ISM2: variants seen among roughly 807,000 people sequenced by gnomAD.
The protein encoded by ISM2 is isthmin 2, also known as isthmin-2.
A neutral mutation model predicts 58.0 loss-of-function variants in ISM2; 50 were observed. The ratio of observed to expected loss-of-function variants is 0.86; its 90% CI spans 0.69 to 1.09. The LOEUF (loss-of-function observed/expected upper bound fraction) is 1.09. Ranked by LOEUF, ISM2 falls within the 50% of genes least tolerant of loss-of-function variation. The pLI, the probability that ISM2 is intolerant of heterozygous loss-of-function variation, is 0.00. For synonymous variants in ISM2, 303 were observed against 312.4 expected (o/e 0.97, Z 0.32); for missense variants, 723 against 745.0 (o/e 0.97, Z 0.34).
At chr14:77,488,091 T>C (rs2139966620) in intron 1 of ISM2, among the ~76,000 whole-genome samples, 1 of 152,326 alleles carries the variant, frequency 6.6e-6, no homozygotes, top group East Asian at 1.9e-4. Context: ...GCAATTTCCA[T>C]GCCATCTGTC....
At position 77,489,429 on chromosome 14, in the gene ISM2, C is replaced by T. The variant is rs559839563; in HGVS notation, c.142-4510G>A. ...ACAACACAGCAATTGCCTCTTTAGC[C>T]GGGCCTGAGACCCTGCCTACAATAG... On this transcript the variant is annotated intron_variant, in intron 1 of 6. Transcript: ENST00000342219. Among the ~76,000 whole-genome samples, 663 of 152,282 alleles carry T rather than the reference C, an allele frequency of 4.4e-3. 6 individuals carry two copies. Among genetic ancestry groups the T allele is most frequent in the African/African-American group, 0.015 (640 of 41,560 alleles).
chr14:77,475,708 C>T lies in ISM2; in HGVS notation c.1603G>A (p.Gly535Arg), dbSNP rs1566751667. 1 of 1,614,124 alleles carries T rather than the reference C, an allele frequency of 6.2e-7. No individual in the cohort carries two copies. The highest frequency in any genetic ancestry group is 8.5e-7 in the Non-Finnish European group (1 of 1,180,024). The change falls in exon 7 of 7, where the codon GGG (glycine) becomes AGG (arginine). Residue 535 changes from glycine (G) to arginine (R), a missense_variant. Transcript: ENST00000342219. The surrounding 1 kb of genome is among the most constrained non-coding windows in gnomAD (Gnocchi z 4.1). ...FDTTPWILCK[G>R]DWSRLHAVLP... ...ACAGCGTGGAGGCGGCTCCAGTCCC[C>T]CTTGCACAGGATCCAGGGCGTCGTG...
chr14:77,479,717 G>T (rs1401630861), intron 4 of ISM2, among the ~76,000 whole-genome samples: 1 of 152,150 alleles, frequency 6.6e-6, no homozygotes, highest in Non-Finnish European at 1.5e-5. Flanking sequence ...GTTTCACCAT[G>T]TTGGCCAGGC....
intron 1 of ISM2, among the ~76,000 whole-genome samples, chr14:77,486,843 G>C (rs2079170999): frequency 6.6e-6 from 1 of 151,082 alleles, no homozygotes; most frequent in Admixed American, 6.6e-5. Context: ...GTTTCTACTA[G>C]TATCTAGTAG....
At chr14:77,486,139 C>T (rs575954066) in intron 1 of ISM2, among the ~76,000 whole-genome samples, 5 of 152,316 alleles carry the variant, frequency 3.3e-5, no homozygotes, top group African/African-American at 1.2e-4. Context: ...AGACATTTAG[C>T]GATAAAGCCA....
intron 1 of ISM2, 70 bp downstream of exon 1, chr14:77,498,583 G>A (rs1036719610): frequency 1.3e-5 from 18 of 1,390,788 alleles, no homozygotes; most frequent in Middle Eastern, 2.4e-4. Flanking sequence ...CTCCCCGCAC[G>A]GCTGGAGCCG....
chr14:77,476,588 T>C (rs1304686808), intron 6 of ISM2, among the ~76,000 whole-genome samples: 1 of 152,180 alleles, frequency 6.6e-6, no homozygotes, highest in African/African-American at 2.4e-5. Flanking sequence ...ATTTGGCCAC[T>C]TTGGGCCTCC....
intron 1 of ISM2, among the ~76,000 whole-genome samples, chr14:77,486,339 C>A (rs1040226963): frequency 6.6e-6 from 1 of 152,208 alleles, no homozygotes; most frequent in Non-Finnish European, 1.5e-5. Flanking sequence ...TCCCCTTCTG[C>A]GGTGTCCAAA....
At chr14:77,478,948 C>T (rs551131517) in intron 4 of ISM2, among the ~76,000 whole-genome samples, 4 of 152,332 alleles carry the variant, frequency 2.6e-5, no homozygotes, top group Middle Eastern at 6.8e-3. Flanking sequence ...CAGTATAACG[C>T]CTAGCCACTT....
chr14:77,476,867 G>A (rs540184434), intron 6 of ISM2, among the ~76,000 whole-genome samples: 1 of 152,224 alleles, frequency 6.6e-6, no homozygotes, highest in East Asian at 1.9e-4. Flanking sequence ...GCAAAGTCCC[G>A]TCTCTACAAA....
intron 4 of ISM2, among the ~76,000 whole-genome samples, chr14:77,482,056 T>C (rs1439463564): frequency 6.6e-6 from 1 of 150,816 alleles, no homozygotes; most frequent in East Asian, 2.0e-4. Flanking sequence ...GAGGCTGCAG[T>C]GAACCATGAT....
At chr14:77,494,526 A>G (rs2079227047) in intron 1 of ISM2, among the ~76,000 whole-genome samples, 1 of 151,952 alleles carries the variant, frequency 6.6e-6, no homozygotes, top group Non-Finnish European at 1.5e-5. Context: ...CCTCCCAATA[A>G]GCTGGGACCA....
intron 1 of ISM2, among the ~76,000 whole-genome samples, chr14:77,488,775 C>T (rs867156820): frequency 6.6e-6 from 1 of 152,190 alleles, no homozygotes. Flanking sequence ...AGGCAACATG[C>T]CAGTTCTTCA....
intron 5 of ISM2, 35 bp downstream of exon 5, chr14:77,478,540 A>G: frequency 6.3e-7 from 1 of 1,597,744 alleles, no homozygotes; most frequent in African/African-American, 1.3e-5. Context: ...AAGCCGCACC[A>G]GCCACTCCTA....
chr14:77,481,197 A>G (rs1216532613), intron 4 of ISM2, among the ~76,000 whole-genome samples: 14 of 151,928 alleles, frequency 9.2e-5, no homozygotes, highest in African/African-American at 3.4e-4. Context: ...AAAATTAGCC[A>G]GGCGTGGTGG....
Position 77,484,484 on chromosome 14 carries a change from G to C in ISM2, c.466C>G (p.Leu156Val). The change falls in exon 3 of 7, where the codon CTA (leucine) becomes GTA (valine). Residue 156 changes from leucine to valine, a missense_variant. Physicochemically the swap from Leu to Val is conservative, Grantham distance 32. Coordinates refer to ENST00000342219, the MANE Select transcript of ISM2 (RefSeq NM_199296.3). ...ACAGTCCAACATCCATGTTGGTGTA[G>C]CTCTGCCTGCAGGTGGGTTCTGGGG... The part of the protein sequence containing the change: ...LLPRTHLQAE[L>V]HQHGCWTVTE... 1 of 1,609,356 alleles carries C rather than the reference G, an allele frequency of 6.2e-7. No individual in the cohort carries two copies. Among genetic ancestry groups the C allele is most frequent in the East Asian group, 2.2e-5 (1 of 44,806 alleles).
chr14:77,482,509 T>G lies in ISM2; in HGVS notation c.786A>C (p.Pro262=). Residue 262 remains proline, a synonymous_variant, in exon 4 of 7, where the codon CCA becomes CCC. Transcript: ENST00000342219. The stretch of plus-strand genomic sequence containing the variant: ...CCTCCTTTTCCTCCCCCTTCTCCCC[T>G]GGGGCCCTGTCTTTTTCCTCTCCTT... ...DYKGEEKDRA[P]GEKGEEKEED... is the part of the protein sequence containing the mutation. 6.2e-7 allele frequency: 1 copy of G among 1,614,158 alleles called. No homozygotes were observed. The highest frequency in any genetic ancestry group is 1.3e-5 in the African/African-American group (1 of 75,042).
intron 3 of ISM2, 141 bp downstream of exon 3, chr14:77,484,182 G>A (rs943637083): frequency 1.7e-5 from 18 of 1,083,126 alleles, no homozygotes; most frequent in Non-Finnish European, 2.3e-5. Flanking sequence ...CACAGGGAGA[G>A]CATGGGGAGC....
In ISM2 at chr14:77,475,378, C is replaced by A; in HGVS notation, c.*217G>T. On this transcript the variant is annotated 3_prime_UTR_variant, in exon 7 of 7. Coordinates refer to ENST00000342219, the MANE Select transcript of ISM2 (RefSeq NM_199296.3). The surrounding 1 kb of genome is among the most constrained non-coding windows in gnomAD (Gnocchi z 4.1). The stretch of plus-strand genomic sequence containing the variant: ...CACATTTCCAGGGCTCCCAGGGACA[C>A]CCACCCTGGGCCCTACATACCCTTC... The A allele has an allele frequency of 2.2e-6, 1 of 453,514 alleles. No individual in the cohort carries two copies. The highest frequency in any genetic ancestry group is 3.8e-6 in the Non-Finnish European group (1 of 259,938). 28.1% of individuals were successfully genotyped at this position (453,514 alleles called of 1,614,324 possible).
Sources: gnomAD v4.1 joint callset for allele counts (sites outside exome capture counted in the v4.1 genomes callset) on GRCh38, gnomAD v4.1.1 for gene constraint, Gnocchi (gnomAD v3.1) non-coding constraint, MANE v1.5 for transcripts, NCBI Gene and HGNC (gene_info 2026-07-23, HGNC 2026-07-21) for gene names.